The following TMEM164 variants were observed in gnomAD, a reference collection of about 807,000 sequenced individuals.
The protein encoded by TMEM164 is transmembrane protein 164.
TMEM164 carries 4 observed loss-of-function variants against 18.8 expected under a neutral mutation model. The observed-to-expected ratio is 0.21, with a 90% CI of 0.10 to 0.49. The LOEUF (loss-of-function observed/expected upper bound fraction) is 0.49. TMEM164 is among the 20% of genes least tolerant of loss of function. The pLI is 0.98. For synonymous variants in TMEM164, 86 were observed against 101.7 expected, an observed-to-expected ratio of 0.85 and a Z score of 0.93; for missense variants, 108 against 239.9, an observed-to-expected ratio of 0.45 and a Z score of 3.63.
intron 4 of TMEM164, among the ~76,000 whole-genome samples, chrX:110,116,331 A>T (rs2066363327): frequency 8.9e-6 from 1 of 112,230 alleles, no homozygotes; most frequent in African/African-American, 3.2e-5. Flanking sequence ...TAAGTGCTAA[A>T]GCTAAACCTG....
intron 5 of TMEM164, among the ~76,000 whole-genome samples, chrX:110,169,304 G>A (rs1319426514): frequency 1.8e-5 from 2 of 111,413 alleles, no homozygotes; most frequent in African/African-American, 6.5e-5. Flanking sequence ...CAGAACACTG[G>A]GAGTTTTCCA....
chrX:110,104,169 A>G (rs985406911), intron 3 of TMEM164, among the ~76,000 whole-genome samples: 15 of 112,294 alleles, frequency 1.3e-4, no homozygotes, highest in Non-Finnish European at 1.7e-4. Flanking sequence ...TATAGACTGT[A>G]CATTGTGCCA....
intron 2 of TMEM164, among the ~76,000 whole-genome samples, chrX:110,042,309 C>T (rs950797504): frequency 1.8e-5 from 2 of 111,300 alleles, no homozygotes; most frequent in Non-Finnish European, 3.8e-5. Context: ...TTATGTCTGG[C>T]TTGTTTTACT....
chrX:110,149,666 T>G (rs2066912920), intron 5 of TMEM164, among the ~76,000 whole-genome samples: 2 of 112,188 alleles, frequency 1.8e-5, no homozygotes, highest in African/African-American at 6.5e-5. Flanking sequence ...TAACTACTAG[T>G]CTGTCTAGTT....
chrX:110,132,870 A>C (rs1185680036), intron 4 of TMEM164, among the ~76,000 whole-genome samples: 2 of 112,295 alleles, frequency 1.8e-5, no homozygotes, highest in African/African-American at 6.5e-5. Context: ...TATGAAGATA[A>C]AAGGAGTTAA....
intron 2 of TMEM164, among the ~76,000 whole-genome samples, chrX:110,066,496 T>C (rs1936345994): frequency 8.9e-6 from 1 of 112,559 alleles, no homozygotes; most frequent in Non-Finnish European, 1.9e-5. Flanking sequence ...CCTGGGACAT[T>C]TGTGAAACAT....
At chrX:110,154,753 G>A (rs2066993120) in intron 5 of TMEM164, among the ~76,000 whole-genome samples, 1 of 111,985 alleles carries the variant, frequency 8.9e-6, no homozygotes, top group East Asian at 2.8e-4. Context: ...TTGAAACCAG[G>A]TGGGCAGAGA....
At chrX:110,049,880 C>T (rs942354384) in intron 2 of TMEM164, among the ~76,000 whole-genome samples, 1 of 110,882 alleles carries the variant, frequency 9.0e-6, no homozygotes, top group Admixed American at 9.6e-5. Context: ...TTCAGGAGTC[C>T]CACATCAGGA....
At chrX:110,161,321 G>A (rs1170688709) in intron 5 of TMEM164, among the ~76,000 whole-genome samples, 1 of 111,761 alleles carries the variant, frequency 8.9e-6, no homozygotes, top group Non-Finnish European at 1.9e-5. Context: ...TCTAGCTAGT[G>A]TTAGGATGTT....
chrX:110,143,904 C>T (rs2066811585), intron 4 of TMEM164, among the ~76,000 whole-genome samples: 1 of 110,717 alleles, frequency 9.0e-6, no homozygotes. Context: ...TGCCAAAGTT[C>T]TTTTTTCCCC....
At position 110,106,221 on chromosome X, in the gene TMEM164, T is replaced by G. The variant is rs1221827620; in HGVS notation, c.441-2859T>G. Among the ~76,000 whole-genome samples the G allele has an allele frequency of 3.6e-5, 4 of 111,440 alleles. No homozygotes were observed. In the Admixed American group the frequency reaches 3.8e-4, roughly 11 times the overall value. ...GACTTAACTGTTTTGGATCTTGATG[T>G]TAGTTTTATCTTCATCTTTGGCCGT... On this transcript the variant is annotated intron_variant, in intron 3 of 6. Transcript: ENST00000372068.
chrX:110,094,492 G>C (rs866182364), intron 3 of TMEM164, among the ~76,000 whole-genome samples: 4 of 111,463 alleles, frequency 3.6e-5, no homozygotes, highest in South Asian at 3.8e-4. Context: ...TTATCAGAGA[G>C]TAGGATTGCA....
chrX:110,064,957 A>G (rs959375221), intron 2 of TMEM164: 12 of 99,976 alleles, frequency 1.2e-4, no homozygotes, highest in African/African-American at 4.4e-4. Context: ...TGATTGCACC[A>G]CTGCACTCCA....
At chrX:110,010,332 G>A (rs1397742521) in intron 2 of TMEM164, among the ~76,000 whole-genome samples, 1 of 112,758 alleles carries the variant, frequency 8.9e-6, no homozygotes, top group Non-Finnish European at 1.9e-5. Flanking sequence ...TGAAGAGCTA[G>A]GTTTCTCTGC....
chrX:110,161,237 G>A (rs756263176), intron 5 of TMEM164, among the ~76,000 whole-genome samples: 6 of 111,815 alleles, frequency 5.4e-5, no homozygotes, highest in African/African-American at 1.6e-4. Flanking sequence ...CTGGCCCCAA[G>A]GTCATGCTGA....
At chrX:110,157,757 C>T (rs2067036793) in intron 5 of TMEM164, among the ~76,000 whole-genome samples, 1 of 112,238 alleles carries the variant, frequency 8.9e-6, no homozygotes, top group Non-Finnish European at 1.9e-5. Context: ...TGTTCTATTC[C>T]ACATGGTAGC....
At chrX:110,163,043 G>A (rs964821366) in intron 5 of TMEM164, among the ~76,000 whole-genome samples, 1 of 112,383 alleles carries the variant, frequency 8.9e-6, no homozygotes, top group Admixed American at 9.4e-5. Context: ...CCACCTAACT[G>A]GTTTCCCAGC....
chrX:110,149,488 C>T (rs191052344), intron 5 of TMEM164, among the ~76,000 whole-genome samples: 3 of 111,883 alleles, frequency 2.7e-5, no homozygotes, highest in South Asian at 3.8e-4. Context: ...TGCTCTGCTT[C>T]GGGGCTTCCA....
intron 2 of TMEM164, among the ~76,000 whole-genome samples, chrX:110,057,803 T>A (rs1360780210): frequency 9.0e-6 from 1 of 111,443 alleles, no homozygotes; most frequent in African/African-American, 3.3e-5. Flanking sequence ...TTTGGAAAAA[T>A]GTCTATTCAG....
Sources: allele counts gnomAD v4.1 joint callset (sites outside exome capture counted in the v4.1 genomes callset), GRCh38; gene constraint gnomAD v4.1.1; transcripts MANE v1.5; gene names NCBI Gene and HGNC (gene_info 2026-07-23, HGNC 2026-07-21).